CATSPER3: variants seen among roughly 807,000 people sequenced by gnomAD.
The protein encoded by CATSPER3 is cation channel sperm associated 3, also known as cation channel sperm-associated protein 3.
Under a neutral mutation model 36.6 loss-of-function variants are expected in CATSPER3, and 23 were observed. That is an observed-to-expected ratio of 0.63 (90% CI 0.45 to 0.89). CATSPER3 has a LOEUF of 0.89. CATSPER3 is among the 40% of genes least tolerant of loss of function. The pLI is 0.00. For synonymous variants in CATSPER3, 172 were observed against 184.1 expected (o/e 0.93, Z 0.53); for missense variants, 474 against 503.9 (o/e 0.94, Z 0.57).
chr5:134,989,067 T>C (rs1373642410), intron 2 of CATSPER3, among the ~76,000 whole-genome samples: 1 of 152,190 alleles, frequency 6.6e-6, no homozygotes, highest in Non-Finnish European at 1.5e-5. Context: ...GCATTGTCAA[T>C]GGGCAGTAAC....
At chr5:135,003,845 G>T (rs758262555) in intron 3 of CATSPER3, among the ~76,000 whole-genome samples, 1 of 152,202 alleles carries the variant, frequency 6.6e-6, no homozygotes, top group South Asian at 2.1e-4. Flanking sequence ...TCCAGGCGCC[G>T]TCTGTCACAG....
chr5:135,007,378 T>G (rs955109322), intron 3 of CATSPER3, among the ~76,000 whole-genome samples: 2 of 152,194 alleles, frequency 1.3e-5, no homozygotes, highest in African/African-American at 4.8e-5. Context: ...TAAGGAGTCA[T>G]ACACGGTGCT....
chr5:134,985,865 C>T (rs1490124129), intron 2 of CATSPER3, among the ~76,000 whole-genome samples: 1 of 151,728 alleles, frequency 6.6e-6, no homozygotes, highest in East Asian at 1.9e-4. Context: ...TGTCACTGCA[C>T]TCCAGACTAC....
At chr5:135,001,020 G>T (rs1381981163) in intron 3 of CATSPER3, among the ~76,000 whole-genome samples, 1 of 151,968 alleles carries the variant, frequency 6.6e-6, no homozygotes, top group Non-Finnish European at 1.5e-5. Context: ...TGATGTTAGG[G>T]TGTCAATTTT....
intron 3 of CATSPER3, among the ~76,000 whole-genome samples, chr5:135,001,674 A>G (rs1752021596): frequency 6.6e-6 from 1 of 152,220 alleles, no homozygotes. Context: ...TATTTAGGAT[A>G]GTTAGCTCTT....
intron 2 of CATSPER3, among the ~76,000 whole-genome samples, chr5:134,980,725 G>T (rs1751740103): frequency 6.6e-6 from 1 of 151,896 alleles, no homozygotes; most frequent in Non-Finnish European, 1.5e-5. Context: ...CACCACGCCT[G>T]GCCCCTTTCC....
chr5:134,990,822 A>T (rs1751870549), intron 2 of CATSPER3, among the ~76,000 whole-genome samples: 1 of 152,238 alleles, frequency 6.6e-6, no homozygotes, highest in South Asian at 2.1e-4. Context: ...CTATTTGCAG[A>T]TGACTTGATC....
chr5:134,980,499 T>C (rs1172406461), intron 2 of CATSPER3, among the ~76,000 whole-genome samples: 1 of 150,176 alleles, frequency 6.7e-6, no homozygotes, highest in Non-Finnish European at 1.5e-5. Context: ...GGTGTGATCT[T>C]GGCTCACTGC....
chr5:135,001,765 T>G, intron 3 of CATSPER3, among the ~76,000 whole-genome samples: 1 of 150,182 alleles, frequency 6.7e-6, no homozygotes, highest in South Asian at 2.1e-4. Flanking sequence ...GTCTGTTTTA[T>G]CAGAGACTAG....
chr5:134,994,209 A>G (rs1047331033), intron 2 of CATSPER3, among the ~76,000 whole-genome samples: 1 of 152,252 alleles, frequency 6.6e-6, no homozygotes, highest in African/African-American at 2.4e-5. Context: ...CAGGCAAAGC[A>G]TTAGGATTCA....
chr5:135,007,860 C>T (rs928883611), intron 3 of CATSPER3, 97 bp from the exon 4 acceptor site: 2 of 663,984 alleles, frequency 3.0e-6, no homozygotes, highest in Non-Finnish European at 4.9e-6. Flanking sequence ...GCAACAGTTG[C>T]TGGGGACAGC....
chr5:134,974,318 A>G (rs1195837172), intron 2 of CATSPER3, among the ~76,000 whole-genome samples: 1 of 152,226 alleles, frequency 6.6e-6, no homozygotes, highest in Non-Finnish European at 1.5e-5. Flanking sequence ...ATACACCAAA[A>G]GTTTAAAAAT....
At position 135,007,962 on chromosome 5, in the gene CATSPER3, G is replaced by T; in HGVS notation, c.498G>T (p.Leu166=). Residue 166 remains leucine, a synonymous_variant, in exon 4 of 8, where the codon CTG becomes CTT. Transcript: ENST00000282611. ...ACAGTGTCCCTGCCTTGCAGACGCT[G>T]ATCACCGCCGTGGGGCAGACAGTCT... ...LIGYSQGIRT[L]ITAVGQTVYT... 6.2e-7 allele frequency: 1 copy of T among 1,613,910 alleles called. No homozygotes were observed. Among genetic ancestry groups the T allele is most frequent in the Non-Finnish European group, 8.5e-7 (1 of 1,180,004 alleles).
intron 3 of CATSPER3, among the ~76,000 whole-genome samples, chr5:135,003,923 T>A (rs1752052181): frequency 6.6e-6 from 1 of 152,226 alleles, no homozygotes; most frequent in Admixed American, 6.5e-5. Flanking sequence ...TGCCTCGCCC[T>A]GCTTCGGCTC....
chr5:134,997,405 C>T lies in CATSPER3; in HGVS notation c.492+893C>T, dbSNP rs762994129. Among the ~76,000 whole-genome samples the T allele has an allele frequency of 5.6e-4, 86 of 152,342 alleles. No homozygotes were observed. The Middle Eastern group carries it at 0.01, about 18-fold the overall frequency. ...CCTGTGTGTGTCCCCTCTCAAACAA[C>T]GCAGTCCAGCCCTCCCTCTCCTTCT... On this transcript the variant is annotated intron_variant, in intron 3 of 7. Coordinates refer to ENST00000282611, the MANE Select transcript of CATSPER3 (RefSeq NM_178019.3).
intron 2 of CATSPER3, among the ~76,000 whole-genome samples, chr5:134,993,802 G>T (rs1413843401): frequency 2.6e-5 from 4 of 152,160 alleles, no homozygotes; most frequent in South Asian, 2.1e-4. Flanking sequence ...GGACTATATG[G>T]TTTACCTGCA....
chr5:134,984,078 AG>A (rs2149547919), intron 2 of CATSPER3, among the ~76,000 whole-genome samples: 2 of 152,354 alleles, frequency 1.3e-5, no homozygotes, highest in South Asian at 4.1e-4. Flanking sequence ...AGAACTGGTT[AG>A]CCACATGTAG....
intron 2 of CATSPER3, among the ~76,000 whole-genome samples, chr5:134,975,495 C>A (rs1377828446): frequency 6.6e-6 from 1 of 152,172 alleles, no homozygotes; most frequent in Non-Finnish European, 1.5e-5. Flanking sequence ...TGTCTATAGT[C>A]CCAGCTGCTC....
At chr5:135,005,127 C>G (rs1236406020) in intron 3 of CATSPER3, among the ~76,000 whole-genome samples, 2 of 152,136 alleles carry the variant, frequency 1.3e-5, no homozygotes, top group Non-Finnish European at 2.9e-5. Flanking sequence ...GGGCATTGAC[C>G]CAGACTGGCA....
Sources: allele counts gnomAD v4.1 joint callset (sites outside exome capture counted in the v4.1 genomes callset), GRCh38; gene constraint gnomAD v4.1.1; transcripts MANE v1.5; gene names NCBI Gene and HGNC (gene_info 2026-07-23, HGNC 2026-07-21).